Variants in NAT1 observed in about 807,000 individuals in gnomAD.
NAT1 encodes N-acetyltransferase 1.
For missense variants in NAT1, 400 were observed against 339.2 expected (o/e 1.18, Z -1.41); for synonymous variants, 144 against 122.6 (o/e 1.17, Z -1.16).
In NAT1 at chr8:18,222,025, T is replaced by C. The variant is rs1805350641; in HGVS notation, c.-6-17T>C. 2 of 1,581,950 alleles carry C rather than the reference T, an allele frequency of 1.3e-6. No homozygotes were observed. The highest frequency in any genetic ancestry group is 1.7e-4 in the Middle Eastern group (1 of 5,876). Reference sequence around the variant, plus strand: ...AAAAGTAAAATGATTTGCTTTCGTTTTGTTTTCCTTGCTTAGGGGATCATG... The same window carrying C: ...AAAAGTAAAATGATTTGCTTTCGTTCTGTTTTCCTTGCTTAGGGGATCATG... On this transcript the variant is annotated splice_polypyrimidine_tract_variant and intron_variant, in intron 2 of 2. Coordinates refer to ENST00000307719, the MANE Select transcript of NAT1 (RefSeq NM_000662.8).
At chr8:18,183,464 T>G (rs1003282956) in intron 2 of NAT1, among the ~76,000 whole-genome samples, 3 of 152,182 alleles carry the variant, frequency 2.0e-5, no homozygotes, top group African/African-American at 7.2e-5. Context: ...GAAGAAAATT[T>G]GCAGAATTAG....
At chr8:18,176,130 G>A (rs890200320) in intron 2 of NAT1, among the ~76,000 whole-genome samples, 1 of 152,048 alleles carries the variant, frequency 6.6e-6, no homozygotes, top group East Asian at 1.9e-4. Flanking sequence ...TGTATGGCTT[G>A]TGAATATTTT....
intron 2 of NAT1, among the ~76,000 whole-genome samples, chr8:18,183,446 T>A (rs905624056): frequency 2.0e-5 from 3 of 152,156 alleles, no homozygotes; most frequent in African/African-American, 4.8e-5. Context: ...CAGAGTCCCA[T>A]CTAAATGGAA....
chr8:18,222,728 CCCAGATGGGGTT>C lies in NAT1; in HGVS notation c.683_694del (p.Pro228_Val231del). 2 of 1,613,890 alleles carry C rather than the reference CCCAGATGGGGTT, an allele frequency of 1.2e-6. No individual in the cohort carries two copies. The highest frequency in any genetic ancestry group is 1.7e-6 in the Non-Finnish European group (2 of 1,179,954). On this transcript the variant is annotated inframe_deletion, in exon 3 of 3. Transcript: ENST00000307719. ...GTAAATCATTTTGTTCCTTGCAGACCCCAGATGGGGTTCACTGTTTGGTGGGCTTCACCCTCA... is the reference window on the plus strand; with the variant it reads ...GTAAATCATTTTGTTCCTTGCAGACCCACTGTTTGGTGGGCTTCACCCTCA...
In NAT1 at chr8:18,222,143, C is replaced by A; in HGVS notation, c.96C>A (p.Ile32=). The A allele has an allele frequency of 6.2e-7, 1 of 1,614,146 alleles. No individual in the cohort carries two copies. Among genetic ancestry groups the A allele is most frequent in the South Asian group, 1.1e-5 (1 of 91,084 alleles). The change falls in exon 3 of 3, where the codon ATC becomes ATA. Residue 32 remains isoleucine, a synonymous_variant. Transcript: ENST00000307719. ...ETLTDILQHQ[I]RAVPFENLNI... ...TAACTGACATTCTTCAACACCAGAT[C>A]CGAGCTGTTCCCTTTGAGAACCTTA...
At chr8:18,172,151 A>G (rs756632798) in intron 2 of NAT1, among the ~76,000 whole-genome samples, 3 of 152,210 alleles carry the variant, frequency 2.0e-5, no homozygotes, top group African/African-American at 4.8e-5. Flanking sequence ...GTGTTGATTT[A>G]TAAGATTCTC....
At position 18,193,205 on chromosome 8, in the gene NAT1, G is replaced by A. The variant is rs1350282043; in HGVS notation, n.93-16576G>A. 2.0e-5 allele frequency among the ~76,000 whole-genome samples: 3 copies of A among 148,184 alleles called. No individual in the cohort carries two copies. In the East Asian group the frequency reaches 6.1e-4, roughly 30 times the overall value. Reference sequence around the variant, plus strand: ...GCAATCCTCCACCTCAGCCACTCAAGTAGGTAGCACCACAGGTGTGTGCCA... The same window carrying A: ...GCAATCCTCCACCTCAGCCACTCAAATAGGTAGCACCACAGGTGTGTGCCA... On this transcript the variant is annotated intron_variant and non_coding_transcript_variant, in intron 2 of 4. Transcript: ENST00000517441.
At chr8:18,185,215 C>T (rs1802687052) in intron 2 of NAT1, among the ~76,000 whole-genome samples, 1 of 152,078 alleles carries the variant, frequency 6.6e-6, no homozygotes, top group Non-Finnish European at 1.5e-5. Flanking sequence ...TTTCTATTCT[C>T]TTGAAAAGTT....
At chr8:18,197,866 G>A (rs1803300864) in intron 2 of NAT1, among the ~76,000 whole-genome samples, 1 of 151,770 alleles carries the variant, frequency 6.6e-6, no homozygotes, top group Non-Finnish European at 1.5e-5. Context: ...CTAGAGGGAT[G>A]GGTTCTGGGA....
intron 2 of NAT1, among the ~76,000 whole-genome samples, chr8:18,203,536 T>G (rs1006781640): frequency 6.6e-6 from 1 of 152,190 alleles, no homozygotes; most frequent in Non-Finnish European, 1.5e-5. Context: ...CTTGGAGCCA[T>G]TAGATTTCAG....
chr8:18,213,071 T>TTC (rs1444829377), intron 1 of NAT1, among the ~76,000 whole-genome samples: 1 of 150,256 alleles, frequency 6.7e-6, no homozygotes, highest in Non-Finnish European at 1.5e-5. Flanking sequence ...CACCTCGCTT[T>TTC]TTTTTTTTTT....
chr8:18,194,354 T>C (rs1426551812), intron 2 of NAT1, among the ~76,000 whole-genome samples: 1 of 152,202 alleles, frequency 6.6e-6, no homozygotes, highest in African/African-American at 2.4e-5. Context: ...ACGTATATGA[T>C]CTCTGCCTAT....
At chr8:18,217,291 C>T (rs901264348) in intron 1 of NAT1, among the ~76,000 whole-genome samples, 4 of 146,590 alleles carry the variant, frequency 2.7e-5, no homozygotes, top group Admixed American at 2.0e-4. Flanking sequence ...AAATTTCTCT[C>T]ACATTATCAG....
At chr8:18,215,443 G>A (rs1259727134) in intron 1 of NAT1, among the ~76,000 whole-genome samples, 1 of 152,062 alleles carries the variant, frequency 6.6e-6, no homozygotes, top group Non-Finnish European at 1.5e-5. Flanking sequence ...GTATCTATAT[G>A]GTTCCTTTCT....
At position 18,222,140 on chromosome 8, in the gene NAT1, G is replaced by C; in HGVS notation, c.93G>C (p.Gln31His). The change falls in exon 3 of 3, where the codon CAG (glutamine) becomes CAC (histidine). Residue 31 changes from glutamine to histidine, a missense_variant. Physicochemically the swap from Gln to His is conservative, Grantham distance 24. Transcript: ENST00000307719. ...CATTAACTGACATTCTTCAACACCA[G>C]ATCCGAGCTGTTCCCTTTGAGAACC... ...LETLTDILQHQIRAVPFENLN... is the reference protein window; with the variant it reads ...LETLTDILQHHIRAVPFENLN... 9 of 1,614,114 alleles carry C rather than the reference G, an allele frequency of 5.6e-6. No homozygotes were observed. The highest frequency in any genetic ancestry group is 7.6e-6 in the Non-Finnish European group (9 of 1,179,998).
intron 2 of NAT1, among the ~76,000 whole-genome samples, chr8:18,201,607 C>G (rs1432679247): frequency 6.6e-6 from 1 of 152,144 alleles, no homozygotes; most frequent in Non-Finnish European, 1.5e-5. Context: ...GAAATGCTTG[C>G]CAATGAGGGA....
At chr8:18,175,823 T>A (rs1802275035) in intron 2 of NAT1, among the ~76,000 whole-genome samples, 1 of 152,098 alleles carries the variant, frequency 6.6e-6, no homozygotes, top group African/African-American at 2.4e-5. Flanking sequence ...TAATTTATGT[T>A]CCCAACAGCA....
In NAT1 at chr8:18,187,798, C is replaced by A. The variant is rs575951397; in HGVS notation, n.92+17059C>A. ...TGATGAAATAATCTGTACACCAAAC[C>A]CGTGTGACATGAGTTTACCTATATA... On this transcript the variant is annotated intron_variant and non_coding_transcript_variant, in intron 2 of 4. Transcript: ENST00000517441. Among the ~76,000 whole-genome samples, 787 of 152,110 alleles carry A rather than the reference C, an allele frequency of 5.2e-3. 11 individuals are homozygous for A. The highest frequency in any genetic ancestry group is 0.018 in the African/African-American group (752 of 41,500).
upstream of NAT1, among the ~76,000 whole-genome samples, chr8:18,206,963 T>C (rs572017927): frequency 2.0e-5 from 3 of 152,196 alleles, no homozygotes; most frequent in African/African-American, 7.2e-5. Flanking sequence ...ATTTCCTGAA[T>C]AGTGTTGCCT....
Sources: gnomAD v4.1 joint callset for allele counts (sites outside exome capture counted in the v4.1 genomes callset) on GRCh38, gnomAD v4.1.1 for gene constraint, MANE v1.5 for transcripts, NCBI Gene and HGNC (gene_info 2026-07-23, HGNC 2026-07-21) for gene names.